PLB1: variants seen among roughly 807,000 people sequenced by gnomAD.
PLB1 encodes phospholipase B1.
In PLB1, 242 loss-of-function variants were observed where a neutral mutation model predicts 227.4. The observed-to-expected ratio is 1.06, with a 90% CI of 0.96 to 1.18. The LOEUF (loss-of-function observed/expected upper bound fraction) is 1.18. PLB1 is among the 50% of genes most tolerant of loss of function. PLB1 has a pLI of 0.00. For synonymous variants in PLB1, 757 were observed against 682.2 expected, an observed-to-expected ratio of 1.11 and a Z score of -1.71; for missense variants, 1,858 against 1,816.3, an observed-to-expected ratio of 1.02 and a Z score of -0.42.
intron 25 of PLB1, among the ~76,000 whole-genome samples, chr2:28,584,104 C>G (rs1680520091): frequency 6.6e-6 from 1 of 152,196 alleles, no homozygotes; most frequent in Non-Finnish European, 1.5e-5. Flanking sequence ...GCCCTGAGCA[C>G]ATCACATGGT....
intron 9 of PLB1, among the ~76,000 whole-genome samples, chr2:28,534,369 G>T (rs1671398251): frequency 6.6e-6 from 1 of 152,212 alleles, no homozygotes; most frequent in East Asian, 1.9e-4. Flanking sequence ...GTACATTAGT[G>T]AGTCAAAAAA....
At position 28,605,932 on chromosome 2, in the gene PLB1, C is replaced by A. The variant is rs758184921; in HGVS notation, c.3041C>A (p.Ala1014Asp). Residue 1014 changes from alanine to aspartate, a missense_variant, in exon 42 of 58, where the codon GCC becomes GAC. By Grantham distance (126) the Ala-to-Asp change is moderately radical. Transcript: ENST00000327757. The stretch of plus-strand genomic sequence containing the variant: ...AAATTCCACTCCCAGCTGGCCAGAG[C>A]CCTTTGGACCAATATGGTAAAATAA... ...NQKFHSQLAR[A>D]LWTNMLEPLG... is the part of the protein sequence containing the mutation. 4 of 1,611,006 alleles carry A rather than the reference C, an allele frequency of 2.5e-6. No individual in the cohort carries two copies. Among genetic ancestry groups the A allele is most frequent in the Non-Finnish European group, 3.4e-6 (4 of 1,177,196 alleles).
chr2:28,529,530 A>G, intron 7 of PLB1, 123 bp downstream of exon 7: 1 of 979,308 alleles, frequency 1.0e-6, no homozygotes, highest in Non-Finnish European at 1.5e-6. Context: ...TTTAAGTCAA[A>G]GCCCAAATGC....
chr2:28,589,356 TTC>T, intron 26 of PLB1, 92 bp from the exon 27 acceptor site: 2 of 918,988 alleles, frequency 2.2e-6, no homozygotes, highest in Non-Finnish European at 3.5e-6. Flanking sequence ...AACAGTCAGA[TTC>T]TGTTTAATTC....
At chr2:28,579,518 G>A in intron 22 of PLB1, 109 bp from the exon 23 acceptor site, 2 of 790,032 alleles carry the variant, frequency 2.5e-6, no homozygotes, top group Non-Finnish European at 4.3e-6. Flanking sequence ...AAGTCCATGA[G>A]ACACTCTGGT....
At position 28,643,285 on chromosome 2, in the gene PLB1, G is replaced by C. The variant is rs546430945; in HGVS notation, c.*224G>C. On this transcript the variant is annotated 3_prime_UTR_variant, in exon 58 of 58. Transcript: ENST00000327757. ...CTATTTTATTCCTGGGTTTGCCTGCGTGAAGCACTCACCTTCCATCTCTTG... is the reference window on the plus strand; with the variant it reads ...CTATTTTATTCCTGGGTTTGCCTGCCTGAAGCACTCACCTTCCATCTCTTG... 2.3e-6 allele frequency: 1 copy of C among 441,430 alleles called. No homozygotes were observed. Among genetic ancestry groups the C allele is most frequent in the Non-Finnish European group, 4.0e-6 (1 of 248,958 alleles). 27.3% of individuals were successfully genotyped at this position (441,430 alleles called of 1,614,324 possible).
At chr2:28,520,156 G>A (rs1669330717) in intron 4 of PLB1, among the ~76,000 whole-genome samples, 1 of 151,762 alleles carries the variant, frequency 6.6e-6, no homozygotes, top group Non-Finnish European at 1.5e-5. Flanking sequence ...TCGAACTCCT[G>A]ACCTCAGGTA....
At chr2:28,543,316 C>G (rs1361374339) in intron 14 of PLB1, 48 bp downstream of exon 14, 3 of 1,580,962 alleles carry the variant, frequency 1.9e-6, no homozygotes, top group Non-Finnish European at 2.6e-6. Context: ...GGGGCAAGGT[C>G]TCCACCACCA....
rs987858616 is a variant in PLB1 at position 28,620,804 on chromosome 2, C to A, written c.3428-75C>A. 3.1e-5 allele frequency: 45 copies of A among 1,468,740 alleles called. No homozygotes were observed. In the South Asian group the frequency reaches 5.1e-4, roughly 17 times the overall value. The allele number at this position is 1,468,740 out of a possible 1,614,324, so 91.0% of individuals were successfully genotyped here. A position where few individuals can be genotyped will look rare whatever the true frequency, so the allele number is the denominator to read the frequency against. ...GTGTCCCACCCATGTCCCCACCCTG[C>A]ATGCTCATCTCAGTTACTGTGAGGG... On this transcript the variant is annotated intron_variant, in intron 48 of 57. Transcript: ENST00000327757.
intron 28 of PLB1, 63 bp from the exon 29 acceptor site, chr2:28,589,942 G>A (rs373195125): frequency 2.5e-5 from 37 of 1,503,624 alleles, no homozygotes; most frequent in East Asian, 6.8e-5. Context: ...CCTGACCTGC[G>A]TCCTGAGCTT....
At chr2:28,534,443 C>T (rs1179072219) in intron 9 of PLB1, among the ~76,000 whole-genome samples, 3 of 152,172 alleles carry the variant, frequency 2.0e-5, no homozygotes, top group Non-Finnish European at 4.4e-5. Context: ...CTAAAATCCT[C>T]GAGTTCATTG....
chr2:28,605,761 G>A, intron 41 of PLB1, 92 bp from the exon 42 acceptor site: 1 of 916,376 alleles, frequency 1.1e-6, no homozygotes, highest in East Asian at 2.4e-5. Context: ...GGGGAAGGAA[G>A]GTGTTGAGTG....
In PLB1 at chr2:28,620,992, G is replaced by C. The variant is rs369643568; in HGVS notation, c.3527+14G>C. On this transcript the variant is annotated intron_variant, in intron 49 of 57. Transcript: ENST00000327757. ...GGCCAGAGCTAGGTGAGTAGATGCC[G>C]TACAGGAGGGCGAGTGGAAGGCAAG... 7.5e-6 allele frequency: 12 copies of C among 1,591,000 alleles called. No individual in the cohort carries two copies. The highest frequency in any genetic ancestry group is 1.0e-5 in the Non-Finnish European group (12 of 1,164,820).
intron 1 of PLB1, among the ~76,000 whole-genome samples, chr2:28,515,596 A>T (rs1431167429): frequency 6.6e-6 from 1 of 152,242 alleles, no homozygotes; most frequent in Non-Finnish European, 1.5e-5. Flanking sequence ...ATGGACATAT[A>T]CTGTTGTTCT....
At chr2:28,616,832 C>T (rs1573460783) in intron 44 of PLB1, among the ~76,000 whole-genome samples, 1 of 152,250 alleles carries the variant, frequency 6.6e-6, no homozygotes, top group African/African-American at 2.4e-5. Flanking sequence ...TCCATTTTTG[C>T]TCTCTCATGA....
In PLB1 at chr2:28,628,589, TC is replaced by T. The variant is rs772866025; in HGVS notation, c.3688del (p.Gln1230SerfsTer62). 3 of 1,614,124 alleles carry T rather than the reference TC, an allele frequency of 1.9e-6. No individual in the cohort carries two copies. The highest frequency in any genetic ancestry group is 2.5e-6 in the Non-Finnish European group (3 of 1,180,006). The stretch of plus-strand genomic sequence containing the variant: ...AGGCCCACTTGGCCACGGAATATGT[TC>T]AGCACATCCAACAGGCCCTGGACAT... Reference protein sequence around the residue: ...PEAHLATEYVQHIQQALDILS... With the variant: ...PEAHLATEYVXHIQQALDILS... On this transcript the variant is annotated frameshift_variant, in exon 52 of 58. Coordinates refer to ENST00000327757, the MANE Select transcript of PLB1 (RefSeq NM_153021.5). LOFTEE classifies it high-confidence loss of function.
chr2:28,591,016 T>G lies in PLB1; in HGVS notation c.2089-117T>G, dbSNP rs1681820151. 5 of 1,304,788 alleles carry G rather than the reference T, an allele frequency of 3.8e-6. No homozygotes were observed. The East Asian group carries it at 1.2e-4, about 30-fold the overall frequency. The allele number at this position is 1,304,788 out of a possible 1,614,324, so 80.8% of individuals were successfully genotyped here. A position where few individuals can be genotyped will look rare whatever the true frequency, so the allele number is the denominator to read the frequency against. ...GAGTCAGCCTGGTAGAGGCTGGGCT[T>G]GGGACACAGGGCAGGCAGGCCGCAG... On this transcript the variant is annotated intron_variant, in intron 29 of 57. Coordinates refer to ENST00000327757, the MANE Select transcript of PLB1 (RefSeq NM_153021.5).
chr2:28,536,596 T>A (rs1269943144), intron 9 of PLB1, among the ~76,000 whole-genome samples: 1 of 152,130 alleles, frequency 6.6e-6, no homozygotes, highest in Non-Finnish European at 1.5e-5. Context: ...ATAAAATAAT[T>A]TATTAGAAAG....
chr2:28,538,627 C>T (rs1672037622), intron 10 of PLB1, among the ~76,000 whole-genome samples: 1 of 152,186 alleles, frequency 6.6e-6, no homozygotes, highest in South Asian at 2.1e-4. Context: ...GGTGGCCCTG[C>T]TCTTCCCTAA....
Sources: allele counts gnomAD v4.1 joint callset (sites outside exome capture counted in the v4.1 genomes callset), GRCh38; gene constraint gnomAD v4.1.1; transcripts MANE v1.5; gene names NCBI Gene and HGNC (gene_info 2026-07-23, HGNC 2026-07-21).